The following ZNF777 variants were observed in gnomAD, a reference collection of about 807,000 sequenced individuals.
ZNF777 encodes the protein zinc finger protein 777.
A neutral mutation model predicts 72.1 loss-of-function variants in ZNF777; 7 were observed. That is an observed-to-expected ratio of 0.10 (90% CI 0.06 to 0.18). ZNF777 has a LOEUF of 0.18. ZNF777 is among the 10% of genes least tolerant of loss of function. ZNF777 has a pLI of 1.00. For missense variants in ZNF777, 828 were observed against 1,128.6 expected, an observed-to-expected ratio of 0.73 and a Z score of 3.82; for synonymous variants, 545 against 483.5, an observed-to-expected ratio of 1.13 and a Z score of -1.67.
intron 4 of ZNF777, among the ~76,000 whole-genome samples, chr7:149,444,053 C>T (rs1343832587): frequency 5.3e-5 from 8 of 152,196 alleles, no homozygotes; most frequent in Non-Finnish European, 1.0e-4. Context: ...CAATTTTAAG[C>T]ATCATCCATT....
intron 4 of ZNF777, among the ~76,000 whole-genome samples, chr7:149,438,247 C>A (rs2116575633): frequency 6.6e-6 from 1 of 152,302 alleles, no homozygotes; most frequent in South Asian, 2.1e-4. Flanking sequence ...ATCTGCCCAC[C>A]TCAGCCTCCC....
Position 149,431,642 on chromosome 7 carries a change from C to T in ZNF777, c.*134G>A, listed in dbSNP as rs1383543554. 1 of 851,572 alleles carries T rather than the reference C, an allele frequency of 1.2e-6. No individual in the cohort carries two copies. The highest frequency in any genetic ancestry group is 1.6e-6 in the Non-Finnish European group (1 of 623,676). The allele number at this position is 851,572 out of a possible 1,614,324, so 52.8% of individuals were successfully genotyped here. A position where few individuals can be genotyped will look rare whatever the true frequency, so the allele number is the denominator to read the frequency against. On this transcript the variant is annotated 3_prime_UTR_variant, in exon 6 of 6. Transcript: ENST00000247930. ...GCCCCCATGTCCTTGGGAGGAGGGA[C>T]GAGAGGAGAGGGGGAGCTCACGGCA...
chr7:149,445,152 C>G (rs1019978855), intron 4 of ZNF777, among the ~76,000 whole-genome samples: 2 of 151,964 alleles, frequency 1.3e-5, no homozygotes, highest in Non-Finnish European at 2.9e-5. Flanking sequence ...CTAATTTGTA[C>G]TATTACATTT....
chr7:149,435,745 C>T (rs1799399201), intron 5 of ZNF777, among the ~76,000 whole-genome samples: 1 of 152,142 alleles, frequency 6.6e-6, no homozygotes, highest in Non-Finnish European at 1.5e-5. Context: ...AAGGAACACA[C>T]TCAATTCCTA....
intron 1 of ZNF777, chr7:149,459,784 G>A: frequency 3.0e-6 from 3 of 984,890 alleles, no homozygotes; most frequent in African/African-American, 1.7e-5. Flanking sequence ...GCGGGGCCGA[G>A]CTCTGCGGAA....
intron 4 of ZNF777, among the ~76,000 whole-genome samples, chr7:149,437,093 A>T (rs930385617): frequency 6.6e-6 from 1 of 151,984 alleles, no homozygotes; most frequent in African/African-American, 2.4e-5. Context: ...AATATTCAGC[A>T]TTGTCAGGGT....
At position 149,432,346 on chromosome 7, in the gene ZNF777, G is replaced by A. The variant is rs1388260953; in HGVS notation, c.1926C>T (p.Asp642=). The A allele has an allele frequency of 6.2e-7, 1 of 1,610,148 alleles. No individual in the cohort carries two copies. Among genetic ancestry groups the A allele is most frequent in the Non-Finnish European group, 8.5e-7 (1 of 1,178,804 alleles). ...GPKPYKCPEC[D]SSFSHKSSLT... is the part of the protein sequence containing the mutation. ...GGCTGGACTTGTGGCTGAAGCTGCTGTCGCACTCGGGGCACTTGTAGGGCT... is the reference window on the plus strand; with the variant it reads ...GGCTGGACTTGTGGCTGAAGCTGCTATCGCACTCGGGGCACTTGTAGGGCT... The change falls in exon 6 of 6, where the codon GAC becomes GAT. Residue 642 remains aspartate, a synonymous_variant. Transcript: ENST00000247930.
intron 5 of ZNF777, among the ~76,000 whole-genome samples, chr7:149,435,885 T>C (rs994307091): frequency 6.6e-6 from 1 of 152,260 alleles, no homozygotes; most frequent in African/African-American, 2.4e-5. Flanking sequence ...AATACAGTTG[T>C]CTAACTTGAG....
chr7:149,432,113 C>T lies in ZNF777; in HGVS notation c.2159G>A (p.Arg720Gln). The T allele has an allele frequency of 6.2e-7, 1 of 1,604,008 alleles. No individual in the cohort carries two copies. The highest frequency in any genetic ancestry group is 8.5e-7 in the Non-Finnish European group (1 of 1,179,408). The change falls in exon 6 of 6, where the codon CGG becomes CAG. Residue 720 changes from arginine to glutamine, a missense_variant. Physicochemically the swap from Arg to Gln is conservative, Grantham distance 43. This residue lies in a region of ZNF777 where 49 missense variants were observed against 135.8 expected (regional missense o/e 0.36). Coordinates refer to ENST00000247930, the MANE Select transcript of ZNF777 (RefSeq NM_015694.3). ...CTCGCACTCGGGGCACTTGAAGGGC[C>T]GCTCGCCTGTGTGAGTCCGCTGGTG... ...LRHQRTHTGE[R>Q]PFKCPECEKS...
intron 1 of ZNF777, among the ~76,000 whole-genome samples, 168 bp from the exon 2 acceptor site, chr7:149,456,205 C>T (rs1799829105): frequency 6.6e-6 from 1 of 152,138 alleles, no homozygotes; most frequent in Non-Finnish European, 1.5e-5. Context: ...ATTTAGACAT[C>T]AATTATACCA....
intron 4 of ZNF777, among the ~76,000 whole-genome samples, chr7:149,442,298 CACACAG>C (rs1799534271): frequency 6.7e-6 from 1 of 149,248 alleles, no homozygotes; most frequent in South Asian, 2.1e-4. Flanking sequence ...CACACACACA[CACACAG>C]ACACACACAC....
At chr7:149,452,773 C>G (rs569346419) in intron 3 of ZNF777, among the ~76,000 whole-genome samples, 1 of 152,104 alleles carries the variant, frequency 6.6e-6, no homozygotes, top group African/African-American at 2.4e-5. Context: ...GCAGAAATAT[C>G]AACTGGCTCA....
chr7:149,456,160 T>C, intron 1 of ZNF777, 123 bp from the exon 2 acceptor site: 1 of 1,037,358 alleles, frequency 9.6e-7, no homozygotes. Context: ...TATGTGCCCC[T>C]CATATGTGAA....
chr7:149,457,750 C>A (rs138398883), intron 1 of ZNF777, among the ~76,000 whole-genome samples: 1 of 152,340 alleles, frequency 6.6e-6, no homozygotes, highest in Non-Finnish European at 1.5e-5. Context: ...GAATGGCTAA[C>A]AATTATCCAG....
intron 3 of ZNF777, 60 bp from the exon 4 acceptor site, chr7:149,451,172 A>G: frequency 6.8e-7 from 1 of 1,464,658 alleles, no homozygotes; most frequent in Non-Finnish European, 9.5e-7. Context: ...GATGTTGTTA[A>G]GGTATCATCT....
intron 3 of ZNF777, among the ~76,000 whole-genome samples, chr7:149,451,446 A>G (rs1354506167): frequency 6.6e-6 from 1 of 152,044 alleles, no homozygotes; most frequent in African/African-American, 2.4e-5. Context: ...ATCCCAGCAC[A>G]TTGGGAGGCT....
chr7:149,432,025 C>T lies in ZNF777; in HGVS notation c.2247G>A (p.Pro749=), dbSNP rs565979948. ...NHCRVHSRER[P]HACPECGKSF... is the part of the protein sequence containing the mutation. ...TCTTGCCGCACTCGGGGCAGGCGTGCGGCCGCTCGCGCGAGTGCACGCGGC... is the reference window on the plus strand; with the variant it reads ...TCTTGCCGCACTCGGGGCAGGCGTGTGGCCGCTCGCGCGAGTGCACGCGGC... Residue 749 remains proline, a synonymous_variant, in exon 6 of 6, where the codon CCG becomes CCA. Transcript: ENST00000247930. 25 of 1,603,606 alleles carry T rather than the reference C, an allele frequency of 1.6e-5. No homozygotes were observed. In the South Asian group the frequency reaches 1.8e-4, roughly 11 times the overall value.
Position 149,456,290 on chromosome 7 carries a change from T to C in ZNF777, c.-15-253A>G, listed in dbSNP as rs144086331. ...CAGAGCCATCTCCTTTTTCACAACA[T>C]ACATTGCACGGGTACCTTACGAACA... is the stretch of plus-strand genomic sequence containing the variant. On this transcript the variant is annotated intron_variant, in intron 1 of 5. Transcript: ENST00000247930. Among the ~76,000 whole-genome samples, 8 of 152,246 alleles carry C rather than the reference T, an allele frequency of 5.3e-5. No individual in the cohort carries two copies. The East Asian group carries it at 1.5e-3, about 29-fold the overall frequency.
At chr7:149,447,175 TC>T (rs1799618847) in intron 4 of ZNF777, among the ~76,000 whole-genome samples, 1 of 152,022 alleles carries the variant, frequency 6.6e-6, no homozygotes, top group Admixed American at 6.6e-5. Flanking sequence ...ATATTCCAAA[TC>T]CCCGAATCTG....
Sources: allele counts gnomAD v4.1 joint callset (sites outside exome capture counted in the v4.1 genomes callset), GRCh38; gene constraint gnomAD v4.1.1; regional missense constraint gnomAD v4.1.1; transcripts MANE v1.5; gene names NCBI Gene and HGNC (gene_info 2026-07-23, HGNC 2026-07-21).